The following PPP1R9A variants were observed in gnomAD, a reference collection of about 807,000 sequenced individuals.
PPP1R9A encodes the protein protein phosphatase 1 regulatory subunit 9A.
In PPP1R9A, 59 loss-of-function variants were observed where a neutral mutation model predicts 141.9. That is an observed-to-expected ratio of 0.42 (90% CI 0.34 to 0.52). The LOEUF is 0.52. Among genes scored for constraint, PPP1R9A ranks in the 20% least tolerant of loss-of-function variants. PPP1R9A has a pLI of 0.10. For missense variants in PPP1R9A, 1,444 were observed against 1,611.9 expected (o/e 0.90, Z 1.78); for synonymous variants, 500 against 569.7 (o/e 0.88, Z 1.74).
intron 2 of PPP1R9A, among the ~76,000 whole-genome samples, chr7:94,974,177 A>G (rs1799174369): frequency 6.6e-6 from 1 of 152,156 alleles, no homozygotes; most frequent in African/African-American, 2.4e-5. Flanking sequence ...AGGTTCTGAA[A>G]CTTGAGTGTG....
intron 2 of PPP1R9A, among the ~76,000 whole-genome samples, chr7:95,028,506 T>C (rs1363110632): frequency 6.6e-6 from 1 of 152,198 alleles, no homozygotes; most frequent in Non-Finnish European, 1.5e-5. Context: ...GTTCATGTAA[T>C]TGCATATATT....
chr7:94,940,445 C>T (rs1795217904), intron 2 of PPP1R9A, among the ~76,000 whole-genome samples: 1 of 151,768 alleles, frequency 6.6e-6, no homozygotes, highest in Non-Finnish European at 1.5e-5. Flanking sequence ...TTCTTATTCC[C>T]AGTTACTCTG....
At chr7:95,176,676 A>C in intron 5 of PPP1R9A, 1 of 152,164 alleles carries the variant, frequency 6.6e-6, no homozygotes, top group East Asian at 1.9e-4. Flanking sequence ...AAATAAAAAA[A>C]CCCCAAAACT....
intron 2 of PPP1R9A, among the ~76,000 whole-genome samples, chr7:95,080,617 A>G (rs1283620926): frequency 6.6e-6 from 1 of 152,226 alleles, no homozygotes; most frequent in Non-Finnish European, 1.5e-5. Flanking sequence ...ACCAAAAAAG[A>G]GCCCGCATCG....
chr7:94,975,202 A>G (rs1799292715), intron 2 of PPP1R9A, among the ~76,000 whole-genome samples: 2 of 152,160 alleles, frequency 1.3e-5, no homozygotes, highest in South Asian at 2.1e-4. Context: ...CTAAAAATTG[A>G]TATGAATCAC....
rs1194533026 is a variant in PPP1R9A, at chr7:94,908,414, T to A, written c.-217+712T>A. Reference sequence around the variant, plus strand: ...GAGCTCGTCTCTCTCCGTGTCACAGTGGGATCCGCCTGGCAGCCGCCGGGA... The same window carrying A: ...GAGCTCGTCTCTCTCCGTGTCACAGAGGGATCCGCCTGGCAGCCGCCGGGA... On this transcript the variant is annotated intron_variant, in intron 1 of 19. Transcript: ENST00000433360. 7 of 152,248 alleles carry A rather than the reference T, an allele frequency of 4.6e-5. No individual in the cohort carries two copies. The East Asian group carries it at 1.4e-3, about 30-fold the overall frequency. 9.4% of individuals were successfully genotyped at this position (152,248 alleles called of 1,614,324 possible).
rs1554493354 is a variant in PPP1R9A at position 95,072,982 on chromosome 7, A to ATAATAT, written c.1396-38275_1396-38274insATATTA. ...ATATGTTATATATAATATAATAATA[A>ATAATAT]TATTATTATTATTATTATTTTGAGA... On this transcript the variant is annotated intron_variant, in intron 2 of 19. Coordinates refer to ENST00000433360, the MANE Select transcript of PPP1R9A (RefSeq NM_001166160.2). Among the ~76,000 whole-genome samples the ATAATAT allele has an allele frequency of 6.5e-3, 851 of 131,708 alleles. 8 individuals carry two copies. The highest frequency in any genetic ancestry group is 0.024 in the African/African-American group (823 of 34,726). 86.4% of individuals were successfully genotyped at this position (131,708 alleles called of 152,430 possible).
chr7:95,025,212 G>T (rs1484674863), intron 2 of PPP1R9A, among the ~76,000 whole-genome samples: 1 of 151,956 alleles, frequency 6.6e-6, no homozygotes, highest in Non-Finnish European at 1.5e-5. Context: ...GATTACAGGT[G>T]GTCACCACCA....
intron 2 of PPP1R9A, among the ~76,000 whole-genome samples, chr7:95,001,300 A>G (rs1293018197): frequency 6.6e-6 from 1 of 152,220 alleles, no homozygotes; most frequent in Non-Finnish European, 1.5e-5. Context: ...ATACAAACAA[A>G]CAAACAACAA....
At chr7:95,098,660 C>G (rs1332024911) in intron 2 of PPP1R9A, among the ~76,000 whole-genome samples, 2 of 152,164 alleles carry the variant, frequency 1.3e-5, no homozygotes, top group Non-Finnish European at 2.9e-5. Context: ...GAGCCCCTTT[C>G]ACTTTAGCCC....
intron 2 of PPP1R9A, among the ~76,000 whole-genome samples, chr7:95,077,671 A>C (rs1324071077): frequency 4.6e-5 from 7 of 152,210 alleles, no homozygotes; most frequent in Non-Finnish European, 8.8e-5. Flanking sequence ...CCTCTTGTAT[A>C]TAAGGGAGGT....
intron 4 of PPP1R9A, among the ~76,000 whole-genome samples, chr7:95,144,110 A>T (rs531568581): frequency 6.6e-6 from 1 of 152,190 alleles, no homozygotes; most frequent in African/African-American, 2.4e-5. Context: ...TATTCATCTT[A>T]TAACAGAAAG....
chr7:95,241,896 C>T (rs954888088), intron 8 of PPP1R9A, among the ~76,000 whole-genome samples: 1 of 152,016 alleles, frequency 6.6e-6, no homozygotes, highest in Non-Finnish European at 1.5e-5. Context: ...AATTACAGGC[C>T]ATCAACTACA....
chr7:95,247,781 T>G (rs1158150174), intron 9 of PPP1R9A, among the ~76,000 whole-genome samples: 1 of 152,176 alleles, frequency 6.6e-6, no homozygotes, highest in Non-Finnish European at 1.5e-5. Context: ...TGAGATTTCC[T>G]TAAAAAGTAA....
At chr7:95,160,970 A>C (rs1830393806) in intron 4 of PPP1R9A, among the ~76,000 whole-genome samples, 1 of 152,202 alleles carries the variant, frequency 6.6e-6, no homozygotes. Context: ...TGTTGTGAAC[A>C]GTGCTGCAGT....
rs190859795 is a variant in PPP1R9A at position 95,267,965 on chromosome 7, G to A, written c.2666-585G>A. Reference sequence around the variant, plus strand: ...CAGCTATCGTCAATTTGCTGATTAGGTAAATTCCTCACTGGTCTTTCTACA... The same window carrying A: ...CAGCTATCGTCAATTTGCTGATTAGATAAATTCCTCACTGGTCTTTCTACA... On this transcript the variant is annotated intron_variant, in intron 12 of 19. Transcript: ENST00000433360. Among the ~76,000 whole-genome samples the A allele has an allele frequency of 1.2e-3, 181 of 152,166 alleles. 1 individual carries two copies. The highest frequency in any genetic ancestry group is 1.7e-3 in the Non-Finnish European group (116 of 67,980).
intron 2 of PPP1R9A, among the ~76,000 whole-genome samples, chr7:95,061,884 T>G (rs1329257407): frequency 6.6e-6 from 1 of 152,158 alleles, no homozygotes. Context: ...GTTTTTAAAA[T>G]AAAAGTGAGA....
intron 2 of PPP1R9A, among the ~76,000 whole-genome samples, chr7:95,072,737 A>AATATATTATATGTATATTTATTAC (rs1563196745): frequency 9.2e-6 from 1 of 109,186 alleles, no homozygotes; most frequent in African/African-American, 3.7e-5. Context: ...TATTACATAT[A>AATATATTATATGTATATTTATTAC]ATATAATATA....
At chr7:94,992,293 T>C (rs1394825950) in intron 2 of PPP1R9A, among the ~76,000 whole-genome samples, 3 of 152,252 alleles carry the variant, frequency 2.0e-5, no homozygotes, top group African/African-American at 7.2e-5. Flanking sequence ...ATTGTCCATG[T>C]TGTGCAAGTA....
Sources: allele counts gnomAD v4.1 joint callset (sites outside exome capture counted in the v4.1 genomes callset), GRCh38; gene constraint gnomAD v4.1.1; transcripts MANE v1.5; gene names NCBI Gene and HGNC (gene_info 2026-07-23, HGNC 2026-07-21).